RARB: variants seen among roughly 807,000 people sequenced by gnomAD.
The protein encoded by RARB is HBV-activated protein.
In RARB, 17 loss-of-function variants were observed where a neutral mutation model predicts 51.9. That is an observed-to-expected ratio of 0.33 (90% CI 0.22 to 0.49). The LOEUF is 0.49. RARB is among the 20% of genes least tolerant of loss of function. The probability of loss-of-function intolerance (pLI) is 0.99; values close to 1 mark genes in which losing one functional copy is unlikely to be tolerated. For missense variants in RARB, 369 were observed against 550.8 expected (o/e 0.67, Z 3.30); for synonymous variants, 215 against 195.4 (o/e 1.10, Z -0.84).
At chr3:24,893,362 T>G (rs886749081) in intron 2 of RARB, among the ~76,000 whole-genome samples, 1 of 152,244 alleles carries the variant, frequency 6.6e-6, no homozygotes, top group Non-Finnish European at 1.5e-5. Flanking sequence ...AATGAACTGT[T>G]TAATATTCAT....
chr3:24,933,136 G>A (rs1695475690), intron 2 of RARB, among the ~76,000 whole-genome samples: 1 of 151,984 alleles, frequency 6.6e-6, no homozygotes, highest in South Asian at 2.1e-4. Context: ...TTATTTCCCT[G>A]TAATATGAAT....
At chr3:25,091,775 C>T (rs1440090176) in intron 3 of RARB, among the ~76,000 whole-genome samples, 1 of 152,104 alleles carries the variant, frequency 6.6e-6, no homozygotes, top group African/African-American at 2.4e-5. Context: ...TTGTTGCTGC[C>T]ATCCGTCTTC....
At chr3:25,410,179 A>G (rs1050476752) in intron 5 of RARB, among the ~76,000 whole-genome samples, 3 of 152,200 alleles carry the variant, frequency 2.0e-5, no homozygotes, top group South Asian at 2.1e-4. Flanking sequence ...TTAGTCTGTC[A>G]CAATAGCTGG....
chr3:24,926,889 T>C (rs1189983628), intron 2 of RARB, among the ~76,000 whole-genome samples: 1 of 152,094 alleles, frequency 6.6e-6, no homozygotes, highest in Non-Finnish European at 1.5e-5. Flanking sequence ...CCAAATGTGC[T>C]CATCTTAAGA....
At chr3:25,342,153 A>C (rs1048349124) in intron 5 of RARB, among the ~76,000 whole-genome samples, 3 of 152,230 alleles carry the variant, frequency 2.0e-5, no homozygotes, top group Non-Finnish European at 4.4e-5. Context: ...GTTGTTAAGC[A>C]GACTGCAGTT....
At chr3:24,935,680 G>A (rs768578530) in intron 2 of RARB, among the ~76,000 whole-genome samples, 1 of 152,170 alleles carries the variant, frequency 6.6e-6, no homozygotes, top group African/African-American at 2.4e-5. Flanking sequence ...CTTATGATGG[G>A]AAATCGGTGG....
intron 5 of RARB, among the ~76,000 whole-genome samples, chr3:25,192,139 ATGT>A (rs1250002548): frequency 4.6e-5 from 7 of 152,108 alleles, no homozygotes; most frequent in African/African-American, 1.4e-4. Context: ...TTGCTTAATG[ATGT>A]TGTGAATATC....
At chr3:25,415,403 T>A (rs1707674854) in intron 5 of RARB, among the ~76,000 whole-genome samples, 2 of 152,194 alleles carry the variant, frequency 1.3e-5, no homozygotes, top group African/African-American at 4.8e-5. Flanking sequence ...TTATTTTTGT[T>A]GTTTGTTTTA....
chr3:25,101,146 A>G (rs1699393099), intron 3 of RARB, among the ~76,000 whole-genome samples: 2 of 152,278 alleles, frequency 1.3e-5, no homozygotes, highest in African/African-American at 4.8e-5. Flanking sequence ...AAGAGTCAGC[A>G]GAAGCCAAGA....
chr3:25,336,756 G>A (rs1425639608), intron 5 of RARB, among the ~76,000 whole-genome samples: 3 of 152,120 alleles, frequency 2.0e-5, no homozygotes, highest in Admixed American at 2.0e-4. Context: ...AGGTTAATGT[G>A]GCCAAGCAAT....
chr3:25,262,534 T>C (rs1240384965), intron 5 of RARB, among the ~76,000 whole-genome samples: 1 of 152,208 alleles, frequency 6.6e-6, no homozygotes, highest in Non-Finnish European at 1.5e-5. Flanking sequence ...GTCCTTAACC[T>C]TTTCCAGGCT....
At chr3:25,209,866 G>T (rs1021104991) in intron 5 of RARB, among the ~76,000 whole-genome samples, 1 of 152,206 alleles carries the variant, frequency 6.6e-6, no homozygotes. Flanking sequence ...CCTGTGATGT[G>T]ACCGAAACTA....
intron 5 of RARB, among the ~76,000 whole-genome samples, chr3:25,417,110 T>A (rs1482314638): frequency 6.6e-6 from 1 of 151,854 alleles, no homozygotes; most frequent in Admixed American, 6.6e-5. Flanking sequence ...AGCCTTTCCT[T>A]AGAAGCCGCT....
intron 2 of RARB, among the ~76,000 whole-genome samples, chr3:24,914,453 G>A (rs556380015): frequency 2.0e-5 from 3 of 152,090 alleles, no homozygotes; most frequent in Admixed American, 6.5e-5. Flanking sequence ...TCAACCTTCC[G>A]GATTTGATAG....
intron 5 of RARB, among the ~76,000 whole-genome samples, chr3:25,287,882 T>G (rs1703693749): frequency 6.6e-6 from 1 of 152,036 alleles, no homozygotes; most frequent in Non-Finnish European, 1.5e-5. Flanking sequence ...TTGATAAAAG[T>G]AGATCGACTG....
intron 1 of RARB, among the ~76,000 whole-genome samples, chr3:24,857,335 C>A (rs1001194110): frequency 5.3e-5 from 8 of 152,184 alleles, no homozygotes; most frequent in African/African-American, 1.7e-4. Flanking sequence ...AACACGCTCA[C>A]TAAACTTTTC....
chr3:25,507,345 T>C (rs1697661181), intron 3 of RARB, among the ~76,000 whole-genome samples: 1 of 152,214 alleles, frequency 6.6e-6, no homozygotes, highest in Admixed American at 6.5e-5. Context: ...AAAACAATTC[T>C]AGGTGTGTAT....
intron 2 of RARB, among the ~76,000 whole-genome samples, chr3:24,985,350 T>G (rs1240623371): frequency 2.3e-5 from 2 of 85,292 alleles, no homozygotes; most frequent in East Asian, 2.5e-4. Context: ...GGTTTTTTTG[T>G]TTTTTTTTTT....
Position 25,593,627 on chromosome 3 carries a change from C to G in RARB, c.911C>G (p.Thr304Ser). The change falls in exon 6 of 8, where the codon ACC becomes AGC. Residue 304 changes from threonine (T) to serine (S), a missense_variant. Transcript: ENST00000330688. Reference protein sequence around the residue: ...GFGPLTDLVFTFANQLLPLEM... With the variant: ...GFGPLTDLVFSFANQLLPLEM... ...GGTCCTCTGACTGACCTTGTGTTCA[C>G]CTTTGCCAACCAGCTCCTGCCTTTG... The G allele has an allele frequency of 6.2e-7, 1 of 1,614,130 alleles. No homozygotes were observed. Among genetic ancestry groups the G allele is most frequent in the Non-Finnish European group, 8.5e-7 (1 of 1,179,998 alleles).
Sources: gnomAD v4.1 joint callset for allele counts (sites outside exome capture counted in the v4.1 genomes callset) on GRCh38, gnomAD v4.1.1 for gene constraint, MANE v1.5 for transcripts, NCBI Gene and HGNC (gene_info 2026-07-23, HGNC 2026-07-21) for gene names.